The following SBF2 variants were observed in gnomAD, a reference collection of about 807,000 sequenced individuals.
The protein encoded by SBF2 is SET binding factor 2.
A neutral mutation model predicts 225.2 loss-of-function variants in SBF2; 112 were observed. That is an observed-to-expected ratio of 0.50 (90% CI 0.43 to 0.58). The LOEUF is 0.58. Ranked by LOEUF, SBF2 falls within the 20% of genes least tolerant of loss-of-function variation. The probability of loss-of-function intolerance (pLI) is 0.00; values close to 1 mark genes in which losing one functional copy is unlikely to be tolerated. For synonymous variants in SBF2, 763 were observed against 773.3 expected (o/e 0.99, Z 0.22); for missense variants, 1,996 against 2,206.2 (o/e 0.90, Z 1.91).
chr11:10,003,372 C>CT lies in SBF2; in HGVS notation c.620-684dup, dbSNP rs35409690. On this transcript the variant is annotated intron_variant, in intron 6 of 39. Coordinates refer to ENST00000256190, the MANE Select transcript of SBF2 (RefSeq NM_030962.4). ...TTTATGCTTTTTCTTTTTCTTTTTT[C>CT]TTTTTTTTTTTTTGAGACGGAGCCT... Among the ~76,000 whole-genome samples, 124 of 138,770 alleles carry CT rather than the reference C, an allele frequency of 8.9e-4. 1 individual carries two copies. The highest frequency in any genetic ancestry group is 1.4e-3 in the East Asian group (7 of 4,858). 91.0% of individuals were successfully genotyped at this position (138,770 alleles called of 152,430 possible).
At chr11:10,202,533 C>A (rs1302478305) in intron 1 of SBF2, among the ~76,000 whole-genome samples, 1 of 152,194 alleles carries the variant, frequency 6.6e-6, no homozygotes, top group Non-Finnish European at 1.5e-5. Context: ...GGCCTGTAAT[C>A]CCAGCACTTT....
chr11:10,271,158 G>C (rs1264913652), intron 1 of SBF2, among the ~76,000 whole-genome samples: 1 of 151,676 alleles, frequency 6.6e-6, no homozygotes, highest in Non-Finnish European at 1.5e-5. Context: ...AATAACAAGG[G>C]AGTAGCAATT....
chr11:10,054,670 G>T (rs191847470), intron 2 of SBF2, among the ~76,000 whole-genome samples: 2 of 152,192 alleles, frequency 1.3e-5, no homozygotes, highest in African/African-American at 4.8e-5. Flanking sequence ...ATCTGACAAG[G>T]ACTAATATCC....
chr11:9,897,340 C>T (rs577789445), intron 16 of SBF2, among the ~76,000 whole-genome samples: 10 of 151,912 alleles, frequency 6.6e-5, no homozygotes, highest in Non-Finnish European at 1.3e-4. Context: ...CAGGTTAAAG[C>T]GATTCTCATG....
intron 3 of SBF2, among the ~76,000 whole-genome samples, chr11:10,040,861 T>C (rs1382699629): frequency 6.6e-6 from 1 of 151,966 alleles, no homozygotes; most frequent in Non-Finnish European, 1.5e-5. Context: ...CAGGTGAATA[T>C]GGGTAAAGGC....
chr11:10,114,034 G>T (rs1370697082), intron 2 of SBF2, among the ~76,000 whole-genome samples: 1 of 152,106 alleles, frequency 6.6e-6, no homozygotes, highest in Admixed American at 6.5e-5. Context: ...ATGTTAGGAA[G>T]ATTGCACAAT....
intron 16 of SBF2, among the ~76,000 whole-genome samples, chr11:9,925,935 T>TA (rs1202790617): frequency 6.6e-6 from 1 of 150,766 alleles, no homozygotes; most frequent in Non-Finnish European, 1.5e-5. Flanking sequence ...CTCCCCAGGC[T>TA]AAAAAATAAG....
At chr11:10,053,957 G>A (rs1950157442) in intron 2 of SBF2, among the ~76,000 whole-genome samples, 1 of 151,764 alleles carries the variant, frequency 6.6e-6, no homozygotes, top group Non-Finnish European at 1.5e-5. Context: ...AAAATATAGT[G>A]GGCAGAAGAC....
At chr11:10,264,970 C>A (rs1448009584) in intron 1 of SBF2, among the ~76,000 whole-genome samples, 1 of 152,132 alleles carries the variant, frequency 6.6e-6, no homozygotes, top group Non-Finnish European at 1.5e-5. Flanking sequence ...TTTTCTTTAT[C>A]CAGTCTATTA....
intron 2 of SBF2, 151 bp from the exon 3 acceptor site, chr11:10,043,132 C>T (rs1032991909): frequency 3.4e-5 from 25 of 740,548 alleles, no homozygotes; most frequent in Middle Eastern, 3.9e-4. Flanking sequence ...AGTTAATGTA[C>T]AGATTCATAA....
At chr11:9,814,936 T>C (rs1382143236) in intron 29 of SBF2, among the ~76,000 whole-genome samples, 3 of 152,158 alleles carry the variant, frequency 2.0e-5, no homozygotes, top group African/African-American at 7.2e-5. Context: ...AATAAGTCAC[T>C]GTAATTTATT....
At chr11:9,780,993 T>C (rs360123) in intron 39 of SBF2, among the ~76,000 whole-genome samples, 8 of 152,208 alleles carry the variant, frequency 5.3e-5, no homozygotes, top group African/African-American at 1.9e-4. Flanking sequence ...AGCAGGGCCA[T>C]AGAGGATGAC....
intron 17 of SBF2, among the ~76,000 whole-genome samples, chr11:9,885,337 A>G (rs1208693328): frequency 6.6e-6 from 1 of 150,692 alleles, no homozygotes; most frequent in Admixed American, 6.7e-5. Flanking sequence ...TGATGTCAAT[A>G]CTCTTCAGTG....
rs1427333671 is a variant in SBF2 at position 9,894,783 on chromosome 11, C to G, written c.1929+1160G>C. ...ATCACCTGAGGTCAGGAGTTTGAGA[C>G]CAGCCTGACCAACATGGTGAAACCC... On this transcript the variant is annotated intron_variant, in intron 17 of 39. Coordinates refer to ENST00000256190, the MANE Select transcript of SBF2 (RefSeq NM_030962.4). Among the ~76,000 whole-genome samples, 3 of 152,068 alleles carry G rather than the reference C, an allele frequency of 2.0e-5. No homozygotes were observed. The East Asian group carries it at 5.8e-4, about 29-fold the overall frequency.
At chr11:9,835,065 T>TA (rs1855648650) in intron 26 of SBF2, among the ~76,000 whole-genome samples, 1 of 152,178 alleles carries the variant, frequency 6.6e-6, no homozygotes, top group Non-Finnish European at 1.5e-5. Flanking sequence ...TCTCATTTCG[T>TA]AATGAAAGAT....
intron 28 of SBF2, among the ~76,000 whole-genome samples, chr11:9,822,765 G>C (rs1252342483): frequency 2.6e-5 from 4 of 152,182 alleles, no homozygotes; most frequent in African/African-American, 9.7e-5. Context: ...AGGGAAAAGA[G>C]ATGCTTAGGT....
intron 1 of SBF2, among the ~76,000 whole-genome samples, chr11:10,229,491 T>C (rs999112094): frequency 1.2e-4 from 18 of 152,322 alleles, no homozygotes; most frequent in African/African-American, 4.3e-4. Context: ...TTGAATGTGT[T>C]CCAGAGATTC....
chr11:10,075,487 T>C (rs1251464138), intron 2 of SBF2, among the ~76,000 whole-genome samples: 2 of 152,220 alleles, frequency 1.3e-5, no homozygotes, highest in African/African-American at 4.8e-5. Flanking sequence ...TCCCAAGTGT[T>C]GAAGGTGGGG....
chr11:10,155,354 G>T (rs910406885), intron 2 of SBF2, among the ~76,000 whole-genome samples: 5 of 152,192 alleles, frequency 3.3e-5, no homozygotes, highest in African/African-American at 1.2e-4. Flanking sequence ...TTGTAACACT[G>T]TTGCCATGCT....
Sources: allele counts gnomAD v4.1 joint callset (sites outside exome capture counted in the v4.1 genomes callset), GRCh38; gene constraint gnomAD v4.1.1; transcripts MANE v1.5; gene names NCBI Gene and HGNC (gene_info 2026-07-23, HGNC 2026-07-21).